The following BTNL8 variants were observed in gnomAD, a reference collection of about 807,000 sequenced individuals.
BTNL8 encodes the protein butyrophilin-like protein 8.
In BTNL8, 22 loss-of-function variants were observed where a neutral mutation model predicts 36.1. The observed-to-expected ratio is 0.61, with a 90% confidence interval of 0.44 to 0.87. The LOEUF (loss-of-function observed/expected upper bound fraction) is 0.87, where lower values mean the gene tolerates loss of function less well. BTNL8 is among the 40% of genes least tolerant of loss of function. The probability of loss-of-function intolerance (pLI) is 0.00; values close to 1 mark genes in which losing one functional copy is unlikely to be tolerated. For missense variants in BTNL8, 526 were observed against 616.9 expected (o/e 0.85, Z 1.56); for synonymous variants, 203 against 235.6 (o/e 0.86, Z 1.27).
rs1413331287 is a variant in BTNL8, at chr5:180,943,041, G to C, written c.674-4471G>C. 2.7e-5 allele frequency among the ~76,000 whole-genome samples: 4 copies of C among 150,586 alleles called. No homozygotes were observed. In the East Asian group the frequency reaches 5.8e-4, roughly 22 times the overall value. On this transcript the variant is annotated intron_variant, in intron 3 of 7. Transcript: ENST00000340184. ...GAAAATATTTGCAAACTATACATCT[G>C]ACTAGGTATTCATATCCAGGATATA...
At chr5:180,934,266 A>T (rs2387715) in intron 3 of BTNL8, among the ~76,000 whole-genome samples, 36,669 of 152,252 alleles carry the variant, frequency 0.24, 5,059 homozygotes, top group Admixed American at 0.3. Context: ...ATCTCTGAAC[A>T]TATTAGGTAT....
At chr5:180,937,445 ACC>A (rs1758711248) in intron 3 of BTNL8, among the ~76,000 whole-genome samples, 1 of 152,210 alleles carries the variant, frequency 6.6e-6, no homozygotes, top group Non-Finnish European at 1.5e-5. Flanking sequence ...ATAATACAGC[ACC>A]CACGTATCCA....
At position 180,929,925 on chromosome 5, in the gene BTNL8, A is replaced by C. The variant is rs183131555; in HGVS notation, c.674-17587A>C. Reference sequence around the variant, plus strand: ...TACTATTCCTTCAGAAACTATTCCAAACAATAGAAAGAGAGAAACTCCTTC... The same window carrying C: ...TACTATTCCTTCAGAAACTATTCCACACAATAGAAAGAGAGAAACTCCTTC... On this transcript the variant is annotated intron_variant, in intron 3 of 7. Transcript: ENST00000340184. Among the ~76,000 whole-genome samples the C allele has an allele frequency of 2.8e-5, 4 of 141,694 alleles. No homozygotes were observed. The East Asian group carries it at 8.1e-4, about 29-fold the overall frequency. 93.0% of individuals were successfully genotyped at this position (141,694 alleles called of 152,430 possible).
intron 4 of BTNL8, 182 bp from the exon 5 acceptor site, chr5:180,948,173 C>G (rs1483392224): frequency 1.1e-6 from 1 of 946,066 alleles, no homozygotes; most frequent in African/African-American, 1.6e-5. Flanking sequence ...TTCCTGATCT[C>G]TTGCTCCACC....
At chr5:180,923,698 GA>G (rs1427213218) in intron 3 of BTNL8, among the ~76,000 whole-genome samples, 3 of 151,972 alleles carry the variant, frequency 2.0e-5, no homozygotes, top group Non-Finnish European at 4.4e-5. Context: ...TTCCAGGAAG[GA>G]AAAAATAGAA....
intron 3 of BTNL8, among the ~76,000 whole-genome samples, chr5:180,928,561 G>T (rs185791742): frequency 1.1e-4 from 16 of 152,142 alleles, no homozygotes; most frequent in African/African-American, 3.9e-4. Context: ...TGCTATATTC[G>T]GGAGACCCAT....
chr5:180,923,184 G>T (rs1292450356), intron 3 of BTNL8, among the ~76,000 whole-genome samples: 1 of 151,884 alleles, frequency 6.6e-6, no homozygotes, highest in Non-Finnish European at 1.5e-5. Flanking sequence ...AGCCAATAAG[G>T]CAGTTTAAAA....
Position 180,950,233 on chromosome 5 carries a change from G to A in BTNL8, c.1192G>A (p.Val398Ile), listed in dbSNP as rs1224889478. ...CACATTAAATCCCCGTTTTATCAGC[G>A]TCTTCCCCAGGACCCCACCTACAAA... is the stretch of plus-strand genomic sequence containing the variant. The part of the protein sequence containing the change: ...YFTLNPRFIS[V>I]FPRTPPTKIG... The change falls in exon 8 of 8, where the codon GTC (valine) becomes ATC (isoleucine). Residue 398 changes from valine (V) to isoleucine (I), a missense_variant. Coordinates refer to ENST00000340184, the MANE Select transcript of BTNL8 (RefSeq NM_001040462.3). The A allele has an allele frequency of 7.5e-6, 11 of 1,463,282 alleles. 2 individuals carry two copies. The highest frequency in any genetic ancestry group is 5.6e-5 in the Admixed American group (3 of 53,318). The allele number at this position is 1,463,282 out of a possible 1,614,324, so 90.6% of individuals were successfully genotyped here.
At chr5:180,903,870 T>A (rs1204672359) in intron 1 of BTNL8, among the ~76,000 whole-genome samples, 517 of 135,116 alleles carry the variant, frequency 3.8e-3, no homozygotes, top group African/African-American at 0.016. Flanking sequence ...CTCTGTTCTG[T>A]TCCATTGATC....
chr5:180,926,925 T>C (rs1043695477), intron 3 of BTNL8, among the ~76,000 whole-genome samples: 7 of 152,212 alleles, frequency 4.6e-5, no homozygotes, highest in South Asian at 2.1e-4. Flanking sequence ...CCTGCCTGCC[T>C]GCTCTGAAGA....
rs775312208 is a variant in BTNL8, at chr5:180,911,381, A to T, written c.440A>T (p.Asp147Val). ...CTCATTTCCATCACGGGATATGTTG[A>T]TAGAGACATCCAGCTACTCTGTCAG... The part of the protein sequence containing the change: ...VPLISITGYV[D>V]RDIQLLCQSS... The change falls in exon 3 of 8, where the codon GAT (aspartate) becomes GTT (valine). Residue 147 changes from aspartate to valine, a missense_variant. This residue lies in a region of BTNL8 where 350 missense variants were observed against 324.6 expected (regional missense o/e 1.08). Coordinates refer to ENST00000340184, the MANE Select transcript of BTNL8 (RefSeq NM_001040462.3). The T allele has an allele frequency of 2.5e-6, 4 of 1,614,132 alleles. No individual in the cohort carries two copies. The highest frequency in any genetic ancestry group is 3.3e-4 in the Middle Eastern group (2 of 6,062).
rs180768245 is a variant in BTNL8, at chr5:180,936,130, C to T, written c.674-11382C>T. Among the ~76,000 whole-genome samples the T allele has an allele frequency of 7.1e-4, 108 of 151,980 alleles. No homozygotes were observed. In the South Asian group the frequency reaches 9.5e-3, roughly 13 times the overall value. ...TTCACCATGTTGGCCAGGATGGTCT[C>T]GATCTCTTGACCTTGTGATCTGCTT... is the stretch of plus-strand genomic sequence containing the variant. On this transcript the variant is annotated intron_variant, in intron 3 of 7. Coordinates refer to ENST00000340184, the MANE Select transcript of BTNL8 (RefSeq NM_001040462.3).
chr5:180,926,179 C>G (rs553224526), intron 3 of BTNL8, among the ~76,000 whole-genome samples: 1 of 152,250 alleles, frequency 6.6e-6, no homozygotes, highest in East Asian at 1.9e-4. Flanking sequence ...GGAAAGGGAG[C>G]TGAAGTAGGG....
At chr5:180,911,316 A>AC (rs765775195) in intron 2 of BTNL8, 23 bp from the exon 3 acceptor site, 2 of 1,611,428 alleles carry the variant, frequency 1.2e-6, no homozygotes, top group Non-Finnish European at 1.7e-6. Flanking sequence ...TTTGCTTTCA[A>AC]CCGTTCCCTG....
chr5:180,949,332 AG>A, intron 7 of BTNL8, 67 bp downstream of exon 7: 1 of 1,457,542 alleles, frequency 6.9e-7, no homozygotes, highest in Non-Finnish European at 9.5e-7. Flanking sequence ...GGAACTGAAC[AG>A]GGACAGATAC....
At chr5:180,946,671 A>C (rs1435034927) in intron 3 of BTNL8, among the ~76,000 whole-genome samples, 1 of 152,218 alleles carries the variant, frequency 6.6e-6, no homozygotes, top group Non-Finnish European at 1.5e-5. Context: ...AGACAAGAGG[A>C]ATATGTTTTG....
In BTNL8 at chr5:180,924,670, T is replaced by C. The variant is rs1223007354; in HGVS notation, c.673+13056T>C. 2.0e-5 allele frequency among the ~76,000 whole-genome samples: 3 copies of C among 152,202 alleles called. No homozygotes were observed. In the East Asian group the frequency reaches 5.8e-4, roughly 29 times the overall value. The stretch of plus-strand genomic sequence containing the variant: ...GCTATATTAAATAGTGAAGACCTCT[T>C]ACTGAGAAAGAACACTTGCAAAGGC... On this transcript the variant is annotated intron_variant, in intron 3 of 7. Coordinates refer to ENST00000340184, the MANE Select transcript of BTNL8 (RefSeq NM_001040462.3).
intron 1 of BTNL8, among the ~76,000 whole-genome samples, chr5:180,903,509 G>A (rs1756924886): frequency 9.0e-6 from 1 of 111,570 alleles, no homozygotes; most frequent in African/African-American, 4.2e-5. Context: ...CTTTTGCTGT[G>A]CAGAAGCTCT....
At chr5:180,908,980 G>T (rs181173351) in intron 2 of BTNL8, 47 bp downstream of exon 2, 3 of 1,525,904 alleles carry the variant, frequency 2.0e-6, no homozygotes, top group East Asian at 4.5e-5. Flanking sequence ...AACCATCCTG[G>T]ACTTTATAAG....
Sources: allele counts gnomAD v4.1 joint callset (sites outside exome capture counted in the v4.1 genomes callset), GRCh38; gene constraint gnomAD v4.1.1; regional missense constraint gnomAD v4.1.1; transcripts MANE v1.5; gene names NCBI Gene and HGNC (gene_info 2026-07-23, HGNC 2026-07-21).